The following PTK2 variants were observed in gnomAD, a reference collection of about 807,000 sequenced individuals.
PTK2 encodes protein tyrosine kinase 2.
A neutral mutation model predicts 150.1 loss-of-function variants in PTK2; 45 were observed. The ratio of observed to expected loss-of-function variants is 0.30; its 90% CI spans 0.24 to 0.38. The LOEUF is 0.38. PTK2 is among the 10% of genes least tolerant of loss of function. The probability of loss-of-function intolerance (pLI) is 1.00; values close to 1 mark genes in which losing one functional copy is unlikely to be tolerated. For missense variants in PTK2, 919 were observed against 1,307.3 expected (o/e 0.70, Z 4.58); for synonymous variants, 432 against 449.2 (o/e 0.96, Z 0.48).
intron 29 of PTK2, among the ~76,000 whole-genome samples, chr8:140,673,965 TA>T (rs1325048892): frequency 6.6e-6 from 1 of 152,310 alleles, no homozygotes; most frequent in East Asian, 1.9e-4. Flanking sequence ...AATTAATTTT[TA>T]AAACCAGAAA....
At chr8:140,675,775 T>C (rs1385547418) in intron 27 of PTK2, 1 of 323,364 alleles carries the variant, frequency 3.1e-6, no homozygotes, top group Admixed American at 4.8e-5. Context: ...ATTTAAAATG[T>C]TCTTACACAG....
At chr8:140,980,276 G>A (rs2100190918) in intron 1 of PTK2, among the ~76,000 whole-genome samples, 1 of 152,068 alleles carries the variant, frequency 6.6e-6, no homozygotes, top group African/African-American at 2.4e-5. Flanking sequence ...CAGGATGGGA[G>A]GAAAAAAGAA....
intron 2 of PTK2, among the ~76,000 whole-genome samples, chr8:140,898,301 AGCACCAACATTCATCT>A (rs1208583676): frequency 2.0e-5 from 3 of 150,860 alleles, no homozygotes; most frequent in Non-Finnish European, 3.0e-5. Flanking sequence ...AAACAGTTCC[AGCACCAACATTCATCT>A]GCACCAACAT....
intron 1 of PTK2, among the ~76,000 whole-genome samples, chr8:140,927,017 T>A (rs2100169707): frequency 1.3e-5 from 2 of 152,254 alleles, no homozygotes; most frequent in Admixed American, 1.3e-4. Context: ...TAATTGCTTT[T>A]TTCTTAAAGG....
chr8:140,937,443 A>G (rs894873418), intron 1 of PTK2, among the ~76,000 whole-genome samples: 2 of 152,158 alleles, frequency 1.3e-5, no homozygotes, highest in Non-Finnish European at 2.9e-5. Context: ...GTATATATAA[A>G]GCCTGGACAT....
intron 25 of PTK2, among the ~76,000 whole-genome samples, chr8:140,701,617 T>C (rs765944951): frequency 3.3e-5 from 5 of 152,200 alleles, no homozygotes; most frequent in African/African-American, 9.7e-5. Flanking sequence ...CAAGAAAATT[T>C]AGTAAAAATT....
intron 2 of PTK2, among the ~76,000 whole-genome samples, chr8:140,895,736 CA>C (rs1037234057): frequency 1.3e-5 from 2 of 151,562 alleles, no homozygotes; most frequent in African/African-American, 4.9e-5. Context: ...TTTGTAACAC[CA>C]AAAAAAGATA....
intron 14 of PTK2, chr8:140,764,970 A>C (rs1426051725): frequency 6.6e-6 from 1 of 152,096 alleles, no homozygotes; most frequent in Non-Finnish European, 1.5e-5. Flanking sequence ...GTATCTACCT[A>C]CTCTTTTTGG....
chr8:140,770,816 G>A lies in PTK2; in HGVS notation c.1178-6526C>T. ...GACTGACTCCTTTATAAAGAGGCAA[G>A]AGGGGAAAGAGAAAAATAGAAACAA... On this transcript the variant is annotated intron_variant, in intron 14 of 31. Coordinates refer to ENST00000522684, the Ensembl canonical transcript of PTK2. The A allele has an allele frequency of 8.2e-7, 1 of 1,212,518 alleles. No individual in the cohort carries two copies. The highest frequency in any genetic ancestry group is 1.4e-5 in the South Asian group (1 of 71,478). The allele number at this position is 1,212,518 out of a possible 1,614,324, so 75.1% of individuals were successfully genotyped here. A position where few individuals can be genotyped will look rare whatever the true frequency, so the allele number is the denominator to read the frequency against.
chr8:140,803,494 A>T, intron 11 of PTK2, 49 bp downstream of exon 11: 1 of 1,447,066 alleles, frequency 6.9e-7, no homozygotes. Flanking sequence ...ATTCTAAAAC[A>T]TCCCTATTTA....
In PTK2 at chr8:140,752,213, G is replaced by T; in HGVS notation, c.1417+19C>A. The T allele has an allele frequency of 6.3e-7, 1 of 1,592,772 alleles. No homozygotes were observed. The highest frequency in any genetic ancestry group is 1.1e-5 in the South Asian group (1 of 90,126). On this transcript the variant is annotated intron_variant, in intron 17 of 31. Transcript: ENST00000522684. ...ATAGAAAGTCAAATGGAGTTCCACA[G>T]AAATTTCTAGACACTTACAGGCTTC...
intron 14 of PTK2, 54 bp downstream of exon 15, chr8:140,770,662 T>C: frequency 1.0e-6 from 1 of 961,566 alleles, no homozygotes; most frequent in Non-Finnish European, 1.4e-6. Context: ...TAGAGTTAGT[T>C]TCTCTGGAGT....
chr8:140,932,819 C>T (rs371090880), intron 1 of PTK2, among the ~76,000 whole-genome samples: 10 of 151,350 alleles, frequency 6.6e-5, no homozygotes, highest in South Asian at 2.1e-4. Context: ...ACAAACAAGA[C>T]GGGGGTTTGT....
chr8:140,934,265 G>A (rs1227935770), intron 1 of PTK2, among the ~76,000 whole-genome samples: 1 of 151,996 alleles, frequency 6.6e-6, no homozygotes, highest in African/African-American at 2.4e-5. Flanking sequence ...AAATAGCACT[G>A]GGGTCAGTGT....
chr8:140,894,921 T>C (rs1477407279), intron 2 of PTK2, among the ~76,000 whole-genome samples: 1 of 152,176 alleles, frequency 6.6e-6, no homozygotes, highest in Non-Finnish European at 1.5e-5. Flanking sequence ...ACTGACACTA[T>C]ACCTAATAGG....
At chr8:140,724,722 T>C (rs2100044800) in intron 22 of PTK2, among the ~76,000 whole-genome samples, 1 of 152,196 alleles carries the variant, frequency 6.6e-6, no homozygotes, top group Non-Finnish European at 1.5e-5. Context: ...GAAACATGAT[T>C]TCTTATAATT....
At chr8:140,771,346 G>A (rs532284558) in intron 14 of PTK2, 3 of 152,324 alleles carry the variant, frequency 2.0e-5, no homozygotes, top group South Asian at 2.1e-4. Flanking sequence ...CTAGCATTAC[G>A]GATTCATTTG....
At chr8:140,663,319 A>G (rs1408745751) in intron 31 of PTK2, among the ~76,000 whole-genome samples, 1 of 152,228 alleles carries the variant, frequency 6.6e-6, no homozygotes, top group Non-Finnish European at 1.5e-5. Flanking sequence ...AGTTCTCTCT[A>G]TTAATCTTTT....
intron 31 of PTK2, among the ~76,000 whole-genome samples, chr8:140,664,077 G>A (rs759345929): frequency 2.6e-5 from 4 of 151,948 alleles, no homozygotes; most frequent in African/African-American, 4.8e-5. Context: ...TCCACCTCCC[G>A]GGTTCAAGTC....
Sources: allele counts gnomAD v4.1 joint callset (sites outside exome capture counted in the v4.1 genomes callset), GRCh38; gene constraint gnomAD v4.1.1; transcripts MANE v1.5; gene names NCBI Gene and HGNC (gene_info 2026-07-23, HGNC 2026-07-21).